GUCY1A2: variants seen among roughly 807,000 people sequenced by gnomAD.
The protein encoded by GUCY1A2 is guanylate cyclase 1 soluble subunit alpha 2, also known as guanylate cyclase soluble subunit alpha-2.
Under a neutral mutation model 63.5 loss-of-function variants are expected in GUCY1A2, and 27 were observed. That is an observed-to-expected ratio of 0.43 (90% CI 0.31 to 0.59). GUCY1A2 has a LOEUF of 0.59. Ranked by LOEUF, GUCY1A2 falls within the 20% of genes least tolerant of loss-of-function variation. The pLI, the probability that GUCY1A2 is intolerant of heterozygous loss-of-function variation, is 0.11. For missense variants in GUCY1A2, 768 were observed against 913.3 expected (o/e 0.84, Z 2.05); for synonymous variants, 364 against 343.5 (o/e 1.06, Z -0.66).
chr11:107,002,013 TG>T (rs1861617925), intron 1 of GUCY1A2, among the ~76,000 whole-genome samples: 2 of 149,994 alleles, frequency 1.3e-5, no homozygotes, highest in East Asian at 3.9e-4. Context: ...AGTGAGACTC[TG>T]TCTCAAAAAA....
chr11:106,928,121 A>G (rs1298813323), intron 4 of GUCY1A2, among the ~76,000 whole-genome samples: 1 of 152,198 alleles, frequency 6.6e-6, no homozygotes, highest in African/African-American at 2.4e-5. Context: ...AAATATGAAA[A>G]TGCAAGCTGC....
chr11:106,826,795 C>T, intron 4 of GUCY1A2: 1 of 1,610,124 alleles, frequency 6.2e-7, no homozygotes, highest in Non-Finnish European at 8.5e-7. Flanking sequence ...CCAGACTGGG[C>T]TCAGCTGCCA....
At position 106,686,408 on chromosome 11, in the gene GUCY1A2, A is replaced by G. The variant is rs942188426; in HGVS notation, c.*1141T>C. 17 of 219,178 alleles carry G rather than the reference A, an allele frequency of 7.8e-5. No individual in the cohort carries two copies. Among genetic ancestry groups the G allele is most frequent in the African/African-American group, 3.8e-4 (17 of 44,540 alleles). 13.6% of individuals were successfully genotyped at this position (219,178 alleles called of 1,614,324 possible). A position where few individuals can be genotyped will look rare whatever the true frequency, so the allele number is the denominator to read the frequency against. ...CATTTTTTAAAACCTCAAAGCCATA[A>G]AATACAGAGGTTTCCTTGCTTTGTG... On this transcript the variant is annotated 3_prime_UTR_variant, in exon 8 of 8. Transcript: ENST00000526355.
At chr11:106,972,494 T>C (rs7127697) in intron 3 of GUCY1A2, among the ~76,000 whole-genome samples, 25,804 of 151,890 alleles carry the variant, frequency 0.17, 2,382 homozygotes, top group South Asian at 0.26. Context: ...AAAGAAGAGG[T>C]GCTAGACAGA....
chr11:106,751,830 A>T (rs1863887102), intron 6 of GUCY1A2, among the ~76,000 whole-genome samples: 1 of 152,192 alleles, frequency 6.6e-6, no homozygotes, highest in Non-Finnish European at 1.5e-5. Flanking sequence ...CAATGTATGA[A>T]AAATGAATAA....
intron 7 of GUCY1A2, among the ~76,000 whole-genome samples, chr11:106,687,957 TAAAA>T (rs575022183): frequency 6.6e-6 from 1 of 152,076 alleles, no homozygotes; most frequent in Non-Finnish European, 1.5e-5. Flanking sequence ...GTGATAATAA[TAAAA>T]AAACCCCAAA....
chr11:106,888,859 A>G (rs1192776826), intron 4 of GUCY1A2, among the ~76,000 whole-genome samples: 1 of 152,198 alleles, frequency 6.6e-6, no homozygotes, highest in African/African-American at 2.4e-5. Context: ...TTAGAACAAC[A>G]AATTATTTTA....
intron 4 of GUCY1A2, among the ~76,000 whole-genome samples, chr11:106,850,033 G>T (rs772908362): frequency 3.3e-5 from 5 of 151,596 alleles, no homozygotes; most frequent in Admixed American, 6.6e-5. Context: ...TCCATTAGCA[G>T]TCAGTCTTCA....
chr11:106,755,186 G>A (rs548056075), intron 6 of GUCY1A2, among the ~76,000 whole-genome samples: 52 of 152,104 alleles, frequency 3.4e-4, no homozygotes, highest in African/African-American at 8.9e-4. Flanking sequence ...CTGTGGGATC[G>A]GTGGTGATAT....
chr11:106,825,609 A>C (rs1289600017), intron 4 of GUCY1A2, among the ~76,000 whole-genome samples: 1 of 151,758 alleles, frequency 6.6e-6, no homozygotes, highest in Non-Finnish European at 1.5e-5. Context: ...TTTGAAAGCA[A>C]TATTACACTG....
At chr11:106,827,992 A>G in intron 4 of GUCY1A2, 1 of 724,756 alleles carries the variant, frequency 1.4e-6, no homozygotes, top group Non-Finnish European at 2.5e-6. Flanking sequence ...CCGGTGCCTT[A>G]TCCAGAGAAT....
rs541346488 is a variant in GUCY1A2 at position 106,798,141 on chromosome 11, C to T, written c.1692+11852G>A. Among the ~76,000 whole-genome samples the T allele has an allele frequency of 3.9e-4, 60 of 152,124 alleles. 1 individual carries two copies. Among genetic ancestry groups the T allele is most frequent in the South Asian group, 8.3e-4 (4 of 4,824 alleles). Reference sequence around the variant, plus strand: ...TCAGAGAATACTATAAACACCTCTACGCAAATAAACTAGAAAATCTAGAAG... The same window carrying T: ...TCAGAGAATACTATAAACACCTCTATGCAAATAAACTAGAAAATCTAGAAG... On this transcript the variant is annotated intron_variant, in intron 5 of 7. Transcript: ENST00000526355.
At position 106,828,233 on chromosome 11, in the gene GUCY1A2, C is replaced by CATAGCAA. The variant is rs572609522; in HGVS notation, c.1207-17756_1207-17755insTTGCTAT. On this transcript the variant is annotated intron_variant, in intron 4 of 7. Coordinates refer to ENST00000526355, the MANE Select transcript of GUCY1A2 (RefSeq NM_000855.3). ...CATTTGTCTATTTTTGGTTTTGTTG[C>CATAGCAA]ATTTGCTTTTGGGGTCTTCATCATA... Among the ~76,000 whole-genome samples, 17 of 152,032 alleles carry CATAGCAA rather than the reference C, an allele frequency of 1.1e-4. No homozygotes were observed. In the East Asian group the frequency reaches 3.3e-3, roughly 29 times the overall value.
At chr11:106,730,823 A>G (rs1318273498) in intron 6 of GUCY1A2, among the ~76,000 whole-genome samples, 2 of 152,114 alleles carry the variant, frequency 1.3e-5, no homozygotes, top group Non-Finnish European at 2.9e-5. Context: ...CTGGTGTTAA[A>G]TGGTATCTCA....
At chr11:106,739,821 C>T (rs1863658919) in intron 6 of GUCY1A2, among the ~76,000 whole-genome samples, 1 of 152,028 alleles carries the variant, frequency 6.6e-6, no homozygotes, top group Admixed American at 6.5e-5. Context: ...GGAAGTGTTA[C>T]TCTTGTGTTT....
At chr11:106,915,532 A>C (rs910082899) in intron 4 of GUCY1A2, among the ~76,000 whole-genome samples, 1 of 109,826 alleles carries the variant, frequency 9.1e-6, no homozygotes, top group Non-Finnish European at 2.2e-5. Flanking sequence ...GGAGATAAAA[A>C]AACATTTTGT....
intron 3 of GUCY1A2, among the ~76,000 whole-genome samples, chr11:106,962,826 AACACC>A (rs1861076863): frequency 6.6e-6 from 1 of 150,498 alleles, no homozygotes; most frequent in Non-Finnish European, 1.5e-5. Context: ...ATCTGAAATG[AACACC>A]ATTTTTGAAA....
chr11:106,863,303 G>C (rs1485180534), intron 4 of GUCY1A2, among the ~76,000 whole-genome samples: 1 of 151,962 alleles, frequency 6.6e-6, no homozygotes, highest in Non-Finnish European at 1.5e-5. Context: ...TCCACCTCGA[G>C]TTAATTTTTA....
At chr11:106,926,158 G>A (rs754818546) in intron 4 of GUCY1A2, among the ~76,000 whole-genome samples, 19 of 152,220 alleles carry the variant, frequency 1.2e-4, no homozygotes, top group South Asian at 4.1e-4. Flanking sequence ...AGTGGTTCAC[G>A]TCTATAATCA....
Sources: allele counts gnomAD v4.1 joint callset (sites outside exome capture counted in the v4.1 genomes callset), GRCh38; gene constraint gnomAD v4.1.1; transcripts MANE v1.5; gene names NCBI Gene and HGNC (gene_info 2026-07-23, HGNC 2026-07-21).